The following CLEC2A variants were observed in gnomAD, a reference collection of about 807,000 sequenced individuals.
The protein encoded by CLEC2A is keratinocyte-associated C-type lectin.
In CLEC2A, 19 loss-of-function variants were observed where a neutral mutation model predicts 18.6. That is an observed-to-expected ratio of 1.02 (90% CI 0.71 to 1.50). CLEC2A has a LOEUF of 1.50. Ranked by LOEUF, CLEC2A falls within the 40% of genes most tolerant of loss-of-function variation. The pLI, the probability that CLEC2A is intolerant of heterozygous loss-of-function variation, is 0.00. For synonymous variants in CLEC2A, 74 were observed against 64.0 expected, an observed-to-expected ratio of 1.16 and a Z score of -0.75; for missense variants, 190 against 207.9, an observed-to-expected ratio of 0.91 and a Z score of 0.53.
At chr12:9,911,881 G>A (rs888797617), downstream of CLEC2A, among the ~76,000 whole-genome samples, 1 of 152,088 alleles carries the variant, frequency 6.6e-6, no homozygotes, top group Non-Finnish European at 1.5e-5. Flanking sequence ...GCTAAACAAA[G>A]CCTTGTCATG....
At chr12:9,911,137 A>G (rs1862979954), downstream of CLEC2A, among the ~76,000 whole-genome samples, 1 of 152,194 alleles carries the variant, frequency 6.6e-6, no homozygotes, top group South Asian at 2.1e-4. Context: ...CTGATTGGCT[A>G]AACACTTAAA....
At chr12:9,900,858 A>G (rs10845002) in intron 4 of CLEC2A, among the ~76,000 whole-genome samples, 17,587 of 152,148 alleles carry the variant, frequency 0.12, 1,565 homozygotes, top group East Asian at 0.34. Context: ...TAAAATAAAC[A>G]CTTTCTCCAA....
At chr12:9,924,646 A>T (rs1863237049) in intron 2 of CLEC2A, among the ~76,000 whole-genome samples, 1 of 152,202 alleles carries the variant, frequency 6.6e-6, no homozygotes. Context: ...AGGAAATTTA[A>T]CAACTTCATT....
chr12:9,926,667 A>G (rs947295443), intron 1 of CLEC2A, among the ~76,000 whole-genome samples: 20 of 152,296 alleles, frequency 1.3e-4, no homozygotes, highest in Admixed American at 3.3e-4. Flanking sequence ...AGGCATAAAG[A>G]TCATCAAAAG....
chr12:9,904,239 A>G (rs1862875014), intron 4 of CLEC2A, among the ~76,000 whole-genome samples: 2 of 152,178 alleles, frequency 1.3e-5, no homozygotes, highest in Admixed American at 1.3e-4. Flanking sequence ...ACTTTGGGGA[A>G]TAGCAGAGAG....
the CLEC2A span, among the ~76,000 whole-genome samples, chr12:9,889,672 A>G: frequency 6.6e-6 from 1 of 151,388 alleles, no homozygotes; most frequent in African/African-American, 2.4e-5. Flanking sequence ...ATATATATGT[A>G]TATATATACA....
At chr12:9,884,171 GA>G in the CLEC2A span, among the ~76,000 whole-genome samples, 1 of 151,988 alleles carries the variant, frequency 6.6e-6, no homozygotes, top group Non-Finnish European at 1.5e-5. Context: ...AGATAAAATT[GA>G]AAGAGGATTA....
the CLEC2A span, among the ~76,000 whole-genome samples, chr12:9,885,596 C>T: frequency 6.6e-6 from 1 of 151,904 alleles, no homozygotes; most frequent in Non-Finnish European, 1.5e-5. Flanking sequence ...CCTAAAGCAA[C>T]TTCTGTAGCG....
At chr12:9,881,554 T>TA in the CLEC2A span, 1 of 1,357,792 alleles carries the variant, frequency 7.4e-7, no homozygotes, top group Middle Eastern at 1.8e-4. Flanking sequence ...CCATTTTCTT[T>TA]GTACTATTTT....
chr12:9,887,293 A>AAGAT, the CLEC2A span, among the ~76,000 whole-genome samples: 350 of 152,254 alleles, frequency 2.3e-3, 2 homozygotes, highest in Non-Finnish European at 3.1e-3. Context: ...TAGATAGATA[A>AAGAT]AGATAGATAG....
intron 3 of CLEC2A, among the ~76,000 whole-genome samples, chr12:9,919,835 T>A (rs181768632): frequency 3.3e-4 from 50 of 151,936 alleles, no homozygotes; most frequent in Admixed American, 2.1e-3. Flanking sequence ...GCCAGGGAGG[T>A]ACATAGCTAT....
chr12:9,919,595 C>T (rs538189468), intron 3 of CLEC2A, among the ~76,000 whole-genome samples: 15 of 152,188 alleles, frequency 9.9e-5, no homozygotes, highest in Admixed American at 2.6e-4. Context: ...GGCTCAATAG[C>T]GCTTGCGAGG....
At chr12:9,881,865 GA>G in the CLEC2A span, among the ~76,000 whole-genome samples, 3 of 152,280 alleles carry the variant, frequency 2.0e-5, no homozygotes, top group South Asian at 6.2e-4. Flanking sequence ...TGAGGTAAGA[GA>G]AATGCGAATA....
At chr12:9,883,659 C>T in the CLEC2A span, among the ~76,000 whole-genome samples, 2 of 152,096 alleles carry the variant, frequency 1.3e-5, no homozygotes, top group African/African-American at 4.8e-5. Flanking sequence ...AGAAGTCTTT[C>T]CATATTTGCT....
chr12:9,892,176 C>A, the CLEC2A span, among the ~76,000 whole-genome samples: 1 of 152,078 alleles, frequency 6.6e-6, no homozygotes, highest in Admixed American at 6.6e-5. Flanking sequence ...CGGTTCAAGG[C>A]TTCCTTTTTG....
At chr12:9,893,391 A>T in the CLEC2A span, 41 of 1,058,554 alleles carry the variant, frequency 3.9e-5, no homozygotes, top group Non-Finnish European at 5.5e-5. Context: ...AAATTTTTTT[A>T]AACAAATGAA....
At chr12:9,925,827 A>G (rs1189174780) in intron 2 of CLEC2A, among the ~76,000 whole-genome samples, 1 of 152,146 alleles carries the variant, frequency 6.6e-6, no homozygotes, top group African/African-American at 2.4e-5. Flanking sequence ...CCTCACTGCC[A>G]TGATTGTCTA....
the CLEC2A span, among the ~76,000 whole-genome samples, chr12:9,890,161 A>C: frequency 6.6e-6 from 1 of 152,204 alleles, no homozygotes; most frequent in African/African-American, 2.4e-5. Context: ...CAATATGTGA[A>C]TCTTATAGCT....
intron 4 of CLEC2A, among the ~76,000 whole-genome samples, chr12:9,907,701 A>G (rs1472574342): frequency 6.6e-6 from 1 of 152,252 alleles, no homozygotes; most frequent in Non-Finnish European, 1.5e-5. Context: ...TTGGGGTATG[A>G]ATTTATTCTG....
Sources: gnomAD v4.1 joint callset for allele counts (sites outside exome capture counted in the v4.1 genomes callset) on GRCh38, gnomAD v4.1.1 for gene constraint, MANE v1.5 for transcripts, NCBI Gene and HGNC (gene_info 2026-07-23, HGNC 2026-07-21) for gene names.